The following IARS2 variants were observed in gnomAD, a reference collection of about 807,000 sequenced individuals.
The protein encoded by IARS2 is isoleucine--tRNA ligase, mitochondrial.
IARS2 carries 56 observed loss-of-function variants against 126.3 expected under a neutral mutation model. The observed-to-expected ratio is 0.44, with a 90% confidence interval of 0.36 to 0.55. The LOEUF (loss-of-function observed/expected upper bound fraction) is 0.55. Among genes scored for constraint, IARS2 ranks in the 20% least tolerant of loss-of-function variants. The pLI is 0.00. For missense variants in IARS2, 1,127 were observed against 1,245.9 expected (o/e 0.90, Z 1.44); for synonymous variants, 407 against 441.1 (o/e 0.92, Z 0.97).
intron 16 of IARS2, 136 bp downstream of exon 16, chr1:220,137,047 A>T (rs1440011684): frequency 1.8e-6 from 1 of 555,302 alleles, no homozygotes; most frequent in Non-Finnish European, 3.1e-6. Context: ...GATTGTAATG[A>T]AGAAGGCAGA....
chr1:220,128,599 A>G (rs547797488), intron 14 of IARS2, among the ~76,000 whole-genome samples: 1 of 152,336 alleles, frequency 6.6e-6, no homozygotes, highest in African/African-American at 2.4e-5. Context: ...ATGCAGGTCA[A>G]TACCACTACT....
At position 220,141,986 on chromosome 1, in the gene IARS2, T is replaced by G. The variant is rs963385177; in HGVS notation, c.2560+38T>G. ...TCATTTATTCTCTTAATGAGAAATATCCCTGATCAAGGTGCAACTTCTACT... is the reference window on the plus strand; with the variant it reads ...TCATTTATTCTCTTAATGAGAAATAGCCCTGATCAAGGTGCAACTTCTACT... On this transcript the variant is annotated intron_variant, in intron 20 of 22. Transcript: ENST00000366922. 5 of 1,591,384 alleles carry G rather than the reference T, an allele frequency of 3.1e-6. No individual in the cohort carries two copies. In the African/African-American group the frequency reaches 5.4e-5, roughly 17 times the overall value.
chr1:220,096,096 T>TA lies in IARS2; in HGVS notation c.268-4dup. ...GATGTTTAGATATCTTTTTTTTTTTTAAAACAGAAATGTGGATTTTCAGAA... is the reference window on the plus strand; with the variant it reads ...GATGTTTAGATATCTTTTTTTTTTTTAAAAACAGAAATGTGGATTTTCAGAA... On this transcript the variant is annotated splice_region_variant and splice_polypyrimidine_tract_variant and intron_variant, in intron 1 of 22. Transcript: ENST00000366922. 2.2e-6 allele frequency: 3 copies of TA among 1,334,838 alleles called. No homozygotes were observed. The highest frequency in any genetic ancestry group is 1.3e-5 in the South Asian group (1 of 74,760). 82.7% of individuals were successfully genotyped at this position (1,334,838 alleles called of 1,614,324 possible).
At position 220,096,242 on chromosome 1, in the gene IARS2, GT is replaced by G; in HGVS notation, c.390+18del. ...TTTAAATAAGGTAACTATAATTTAGGTTATGACACTTGAAAGAAAGTGTTTA... is the reference window on the plus strand; with the variant it reads ...TTTAAATAAGGTAACTATAATTTAGGTATGACACTTGAAAGAAAGTGTTTA... On this transcript the variant is annotated intron_variant, in intron 2 of 22. Coordinates refer to ENST00000366922, the MANE Select transcript of IARS2 (RefSeq NM_018060.4). 1 of 1,513,380 alleles carries G rather than the reference GT, an allele frequency of 6.6e-7. No homozygotes were observed. Among genetic ancestry groups the G allele is most frequent in the Non-Finnish European group, 8.9e-7 (1 of 1,122,918 alleles). The allele number at this position is 1,513,380 out of a possible 1,614,324, so 93.7% of individuals were successfully genotyped here.
At chr1:220,119,736 C>T (rs1657000187) in intron 12 of IARS2, among the ~76,000 whole-genome samples, 1 of 151,880 alleles carries the variant, frequency 6.6e-6, no homozygotes, top group East Asian at 1.9e-4. Context: ...TAATGATATA[C>T]AAAAGAAGAT....
chr1:220,128,384 C>T (rs985199875), intron 14 of IARS2, among the ~76,000 whole-genome samples: 1 of 152,152 alleles, frequency 6.6e-6, no homozygotes, highest in African/African-American at 2.4e-5. Flanking sequence ...CTGACATTGC[C>T]TGCAGTATTC....
At chr1:220,114,813 T>C (rs1273577131) in intron 12 of IARS2, among the ~76,000 whole-genome samples, 1 of 152,214 alleles carries the variant, frequency 6.6e-6, no homozygotes, top group Non-Finnish European at 1.5e-5. Flanking sequence ...AGAGAATCAC[T>C]CTCACATTCT....
Position 220,100,553 on chromosome 1 carries a change from G to T in IARS2, c.454G>T (p.Gly152Cys), listed in dbSNP as rs780373797. The T allele has an allele frequency of 6.2e-7, 1 of 1,613,122 alleles. No individual in the cohort carries two copies. Among genetic ancestry groups the T allele is most frequent in the African/African-American group, 1.3e-5 (1 of 74,876 alleles). ...MNGSKIHFVP[G>C]WDCHGLPIEI... ...TGGCTCCAAAATACATTTTGTGCCC[G>T]GCTGGGATTGTCATGGGTTGCCCAT... is the stretch of plus-strand genomic sequence containing the variant. Residue 152 changes from glycine to cysteine, a missense_variant, in exon 3 of 23, where the codon GGC becomes TGC. By Grantham distance (159) the Gly-to-Cys change is radical. Transcript: ENST00000366922.
chr1:220,094,718 T>A (rs1656400516), intron 1 of IARS2, among the ~76,000 whole-genome samples: 1 of 152,158 alleles, frequency 6.6e-6, no homozygotes, highest in African/African-American at 2.4e-5. Context: ...CATTAAGGGG[T>A]CACTAGCGAT....
intron 14 of IARS2, among the ~76,000 whole-genome samples, chr1:220,127,890 GAATTATTATTTCAT>G (rs1280726255): frequency 1.5e-5 from 2 of 137,112 alleles, no homozygotes; most frequent in East Asian, 4.8e-4. Flanking sequence ...GTGATTTTCA[GAATTATTATTTCAT>G]AATTTTTCTC....
chr1:220,120,262 A>C (rs1043347253), intron 12 of IARS2, among the ~76,000 whole-genome samples: 7 of 151,864 alleles, frequency 4.6e-5, no homozygotes, highest in Non-Finnish European at 1.0e-4. Flanking sequence ...TTGTATATTT[A>C]GTAGAGATGG....
At chr1:220,143,336 TAAAAAAAAGTGTCTAAATTA>T in intron 21 of IARS2, 1 of 358,866 alleles carries the variant, frequency 2.8e-6, no homozygotes, top group Non-Finnish European at 4.9e-6. Context: ...CATGCACATT[TAAAAAAAAGTGTCTAAATTA>T]AAAAAAAATT....
intron 1 of IARS2, among the ~76,000 whole-genome samples, chr1:220,095,433 A>G (rs1176760853): frequency 6.6e-6 from 1 of 152,214 alleles, no homozygotes; most frequent in African/African-American, 2.4e-5. Context: ...GGTTAAGTAA[A>G]TATACTTAGC....
intron 16 of IARS2, 40 bp downstream of exon 16, chr1:220,136,951 G>A (rs779361220): frequency 4.5e-6 from 6 of 1,340,282 alleles, no homozygotes; most frequent in Non-Finnish European, 3.2e-6. Flanking sequence ...TTCGTTTTAA[G>A]GATCTTAAAT....
intron 14 of IARS2, among the ~76,000 whole-genome samples, chr1:220,132,361 T>C (rs925868221): frequency 6.6e-6 from 1 of 152,162 alleles, no homozygotes; most frequent in Non-Finnish European, 1.5e-5. Context: ...CGGTTACTCC[T>C]TACTGTTCTA....
chr1:220,130,094 A>G (rs1359980739), intron 14 of IARS2, among the ~76,000 whole-genome samples: 2 of 152,110 alleles, frequency 1.3e-5, no homozygotes, highest in African/African-American at 4.8e-5. Flanking sequence ...TTTGATTTGC[A>G]CTTCCCTGAT....
intron 2 of IARS2, among the ~76,000 whole-genome samples, chr1:220,099,350 T>A (rs1206022002): frequency 5.3e-5 from 8 of 152,118 alleles, no homozygotes; most frequent in African/African-American, 1.9e-4. Context: ...TACATTTAAC[T>A]CAACATATCT....
Position 220,141,961 on chromosome 1 carries a change from T to C in IARS2, c.2560+13T>C. The C allele has an allele frequency of 6.2e-7, 1 of 1,608,110 alleles. No homozygotes were observed. Among genetic ancestry groups the C allele is most frequent in the Non-Finnish European group, 8.5e-7 (1 of 1,177,284 alleles). ...CCTTATATTAAAGGTAAGGAATACTTCATTTATTCTCTTAATGAGAAATAT... is the reference window on the plus strand; with the variant it reads ...CCTTATATTAAAGGTAAGGAATACTCCATTTATTCTCTTAATGAGAAATAT... On this transcript the variant is annotated intron_variant, in intron 20 of 22. Transcript: ENST00000366922.
At position 220,096,084 on chromosome 1, in the gene IARS2, C is replaced by CTTT; in HGVS notation, c.268-10_268-8dup. On this transcript the variant is annotated intron_variant, in intron 1 of 22. Transcript: ENST00000366922. ...ATGTATTTATATGATGTTTAGATAT[C>CTTT]TTTTTTTTTTTTAAAACAGAAATGT... 4 of 1,004,416 alleles carry CTTT rather than the reference C, an allele frequency of 4.0e-6. No homozygotes were observed. Among genetic ancestry groups the CTTT allele is most frequent in the East Asian group, 3.1e-5 (1 of 32,004 alleles). The allele number at this position is 1,004,416 out of a possible 1,614,324, so 62.2% of individuals were successfully genotyped here. A position where few individuals can be genotyped will look rare whatever the true frequency, so the allele number is the denominator to read the frequency against.
Sources: allele counts gnomAD v4.1 joint callset (sites outside exome capture counted in the v4.1 genomes callset), GRCh38; gene constraint gnomAD v4.1.1; transcripts MANE v1.5; gene names NCBI Gene and HGNC (gene_info 2026-07-23, HGNC 2026-07-21).